The following CNBD2 variants were observed in gnomAD, a reference collection of about 807,000 sequenced individuals.
CNBD2 encodes the protein cyclic nucleotide-binding domain-containing protein 2.
In CNBD2, 64 loss-of-function variants were observed where a neutral mutation model predicts 63.7. The ratio of observed to expected loss-of-function variants is 1.00; its 90% confidence interval spans 0.82 to 1.24. CNBD2 has a LOEUF of 1.24. Ranked by LOEUF, CNBD2 falls within the 50% of genes most tolerant of loss-of-function variation. The pLI is 0.00. For missense variants in CNBD2, 691 were observed against 713.5 expected (o/e 0.97, Z 0.36); for synonymous variants, 229 against 255.4 (o/e 0.90, Z 0.99).
intron 8 of CNBD2, among the ~76,000 whole-genome samples, chr20:36,005,465 C>T (rs564141423): frequency 6.6e-6 from 1 of 152,184 alleles, no homozygotes; most frequent in Non-Finnish European, 1.5e-5. Context: ...AGGCCACGGA[C>T]CTGTACCAGT....
At chr20:35,961,226 C>T (rs931566207) in intron 2 of CNBD2, among the ~76,000 whole-genome samples, 2 of 152,186 alleles carry the variant, frequency 1.3e-5, no homozygotes, top group Admixed American at 6.5e-5. Flanking sequence ...CCACCACGCC[C>T]GGCCTCTTGG....
At chr20:35,982,517 A>T (rs2056611644) in intron 4 of CNBD2, among the ~76,000 whole-genome samples, 1 of 151,464 alleles carries the variant, frequency 6.6e-6, no homozygotes, top group Non-Finnish European at 1.5e-5. Flanking sequence ...TGTGCCTGGG[A>T]CCCTCTTCCA....
chr20:35,993,675 A>G (rs2056779467), intron 7 of CNBD2, among the ~76,000 whole-genome samples: 2 of 152,140 alleles, frequency 1.3e-5, no homozygotes. Flanking sequence ...CTAATATGTT[A>G]CTACTAGTTA....
intron 11 of CNBD2, 85 bp downstream of exon 11, chr20:36,023,856 A>G (rs1430663310): frequency 4.9e-6 from 6 of 1,219,234 alleles, no homozygotes; most frequent in Non-Finnish European, 6.9e-6. Context: ...GGAAAAATAT[A>G]ATACCTGTTG....
intron 11 of CNBD2, 83 bp from the exon 12 acceptor site, chr20:36,030,274 C>T: frequency 7.4e-7 from 1 of 1,343,806 alleles, no homozygotes; most frequent in Admixed American, 1.7e-5. Context: ...GCGCCACATG[C>T]TTAGGGAGGG....
At chr20:36,004,432 G>T (rs1009407798) in intron 8 of CNBD2, among the ~76,000 whole-genome samples, 1 of 152,152 alleles carries the variant, frequency 6.6e-6, no homozygotes, top group African/African-American at 2.4e-5. Context: ...AGATTGCTGG[G>T]CTCCATCTGA....
At chr20:36,008,229 C>T in intron 8 of CNBD2, 68 bp from the exon 9 acceptor site, 1 of 1,327,492 alleles carries the variant, frequency 7.5e-7, no homozygotes, top group Non-Finnish European at 1.0e-6. Flanking sequence ...TAAGCTTCAA[C>T]TACTACCACC....
chr20:36,004,021 G>A (rs1459852943), intron 8 of CNBD2, among the ~76,000 whole-genome samples: 1 of 152,204 alleles, frequency 6.6e-6, no homozygotes, highest in Middle Eastern at 3.2e-3. Flanking sequence ...CTACAGGGCA[G>A]TTTCATGACA....
intron 2 of CNBD2, among the ~76,000 whole-genome samples, chr20:35,960,550 G>A (rs889506611): frequency 2.0e-5 from 3 of 152,042 alleles, no homozygotes; most frequent in African/African-American, 7.2e-5. Flanking sequence ...ACAGGGTCTC[G>A]CTATGTTGCC....
At chr20:35,983,459 G>T (rs2056624117) in intron 4 of CNBD2, among the ~76,000 whole-genome samples, 1 of 152,040 alleles carries the variant, frequency 6.6e-6, no homozygotes. Flanking sequence ...TGGGTAGTGG[G>T]CTGCTGGTAA....
chr20:36,008,475 G>C lies in CNBD2; in HGVS notation c.1148+1G>C. The stretch of plus-strand genomic sequence containing the variant: ...CCAAGATGCTGGGCCCGAAGATCCA[G>C]TAAGCTCAGCCCTGGGCAGATAGAC... On this transcript the variant is annotated splice_donor_variant, in intron 9 of 11. Transcript: ENST00000373973. LOFTEE classifies it high-confidence loss of function. 6 of 1,609,974 alleles carry C rather than the reference G, an allele frequency of 3.7e-6. No homozygotes were observed. Among genetic ancestry groups the C allele is most frequent in the Non-Finnish European group, 5.1e-6 (6 of 1,178,856 alleles).
intron 8 of CNBD2, among the ~76,000 whole-genome samples, chr20:36,005,323 T>C (rs994625636): frequency 6.6e-6 from 1 of 152,188 alleles, no homozygotes; most frequent in African/African-American, 2.4e-5. Flanking sequence ...ATGCCTCTCA[T>C]GCACAGTTCT....
intron 8 of CNBD2, among the ~76,000 whole-genome samples, chr20:36,000,419 C>A (rs1007932396): frequency 1.1e-4 from 16 of 152,272 alleles, no homozygotes; most frequent in Non-Finnish European, 1.0e-4. Flanking sequence ...CTCTGTTACG[C>A]AGGCTGGAGT....
intron 3 of CNBD2, among the ~76,000 whole-genome samples, chr20:35,977,181 A>G (rs1401208036): frequency 6.6e-6 from 1 of 152,192 alleles, no homozygotes; most frequent in Non-Finnish European, 1.5e-5. Context: ...ACCGCAGTAG[A>G]GGGCGGGAAG....
intron 10 of CNBD2, among the ~76,000 whole-genome samples, chr20:36,015,310 TA>T (rs1390639512): frequency 6.6e-6 from 1 of 152,194 alleles, no homozygotes; most frequent in Admixed American, 6.6e-5. Context: ...TACCATTCTT[TA>T]GGTTGTCTTT....
upstream of CNBD2, among the ~76,000 whole-genome samples, chr20:35,967,239 C>CTT (rs141881380): frequency 3.6e-3 from 312 of 87,010 alleles, 25 homozygotes; most frequent in African/African-American, 0.011. Context: ...CCCCCTCCCG[C>CTT]TTTTTTTTTT....
intron 8 of CNBD2, among the ~76,000 whole-genome samples, chr20:36,006,881 A>G (rs916817028): frequency 2.0e-5 from 3 of 152,018 alleles, no homozygotes; most frequent in Non-Finnish European, 4.4e-5. Flanking sequence ...TTGTCTTCCT[A>G]TGGTTTCATA....
rs2057330650 is a variant in CNBD2 at position 36,030,443 on chromosome 20, G to A, written c.1526G>A (p.Cys509Tyr). 7 of 1,614,028 alleles carry A rather than the reference G, an allele frequency of 4.3e-6. No individual in the cohort carries two copies. Among genetic ancestry groups the A allele is most frequent in the Non-Finnish European group, 5.9e-6 (7 of 1,180,034 alleles). The change falls in exon 12 of 12, where the codon TGC (cysteine) becomes TAC (tyrosine). Residue 509 changes from cysteine (C) to tyrosine (Y), a missense_variant. By Grantham distance (194) the Cys-to-Tyr change is radical. Transcript: ENST00000373973. ...CTGTTGCAGCTGCTCGTGGAGCCTT[G>A]CCAAAGTCAACTGTTCACTCCAAAC... The part of the protein sequence containing the change: ...KDLLQLLVEP[C>Y]QSQLFTPNRP...
intron 10 of CNBD2, among the ~76,000 whole-genome samples, chr20:36,022,073 A>G (rs1026766135): frequency 2.0e-5 from 3 of 151,598 alleles, no homozygotes; most frequent in African/African-American, 7.3e-5. Flanking sequence ...CAGTGGCACA[A>G]TCTTGGCTCA....
Sources: gnomAD v4.1 joint callset for allele counts (sites outside exome capture counted in the v4.1 genomes callset) on GRCh38, gnomAD v4.1.1 for gene constraint, MANE v1.5 for transcripts, NCBI Gene and HGNC (gene_info 2026-07-23, HGNC 2026-07-21) for gene names.